The following PTK2 variants were observed in gnomAD, a reference collection of about 807,000 sequenced individuals.
The protein encoded by PTK2 is protein tyrosine kinase 2, also known as focal adhesion kinase 1.
In PTK2, 45 loss-of-function variants were observed where a neutral mutation model predicts 150.1. The ratio of observed to expected loss-of-function variants is 0.30; its 90% CI spans 0.24 to 0.38. The LOEUF is 0.38. Among genes scored for constraint, PTK2 ranks in the 10% least tolerant of loss-of-function variants. The probability of loss-of-function intolerance (pLI) is 1.00; values close to 1 mark genes in which losing one functional copy is unlikely to be tolerated. For synonymous variants in PTK2, 432 were observed against 449.2 expected (o/e 0.96, Z 0.48); for missense variants, 919 against 1,307.3 (o/e 0.70, Z 4.58).
At chr8:140,994,094 A>G (rs7813058) in intron 1 of PTK2, among the ~76,000 whole-genome samples, 63,743 of 152,082 alleles carry the variant, frequency 0.42, 15,256 homozygotes, top group Non-Finnish European at 0.55. Flanking sequence ...AAGAAAATGT[A>G]TATCAGTAAG....
intron 27 of PTK2, among the ~76,000 whole-genome samples, chr8:140,680,141 G>A (rs76283343): frequency 2.0e-5 from 3 of 152,302 alleles, no homozygotes; most frequent in Non-Finnish European, 4.4e-5. Flanking sequence ...ACCTCAGTTA[G>A]CACTAAGCAC....
At chr8:140,960,187 CTTTTTTTTTTTTTTTTTTT>C (rs371999950) in intron 1 of PTK2, among the ~76,000 whole-genome samples, 4 of 72,348 alleles carry the variant, frequency 5.5e-5, no homozygotes, top group Non-Finnish European at 9.4e-5. Context: ...CAATTTTAAA[CTTTTTTTTTTTTTTTTTTT>C]TTTTTTTTTT....
intron 27 of PTK2, among the ~76,000 whole-genome samples, chr8:140,680,918 A>G (rs543146382): frequency 9.8e-5 from 15 of 152,340 alleles, no homozygotes; most frequent in African/African-American, 3.4e-4. Flanking sequence ...AAGTCAACTC[A>G]GTAGTTTCAC....
intron 7 of PTK2, among the ~76,000 whole-genome samples, chr8:140,838,762 T>G (rs1238497133): frequency 3.3e-5 from 5 of 152,110 alleles, no homozygotes. Flanking sequence ...AGCCCAGCAC[T>G]TTGGGAGGCC....
chr8:140,738,586 G>A (rs1194631733), intron 21 of PTK2, among the ~76,000 whole-genome samples: 1 of 152,188 alleles, frequency 6.6e-6, no homozygotes, highest in Non-Finnish European at 1.5e-5. Flanking sequence ...AAGGAGGCTG[G>A]ACTCCAGAAT....
chr8:140,911,012 G>A (rs534438840), intron 2 of PTK2, among the ~76,000 whole-genome samples: 2 of 151,780 alleles, frequency 1.3e-5, no homozygotes, highest in Non-Finnish European at 2.9e-5. Flanking sequence ...CAAGTAGCTG[G>A]AACTACAAGT....
At chr8:140,949,398 G>C (rs2154609053) in intron 1 of PTK2, among the ~76,000 whole-genome samples, 1 of 152,302 alleles carries the variant, frequency 6.6e-6, no homozygotes, top group South Asian at 2.1e-4. Context: ...GGCGGGGCAG[G>C]AGCCCCACAT....
chr8:140,744,148 T>C (rs1323136775), intron 19 of PTK2, among the ~76,000 whole-genome samples: 1 of 151,880 alleles, frequency 6.6e-6, no homozygotes, highest in Non-Finnish European at 1.5e-5. Context: ...TCTAATATGA[T>C]ACTTGGCAAA....
intron 2 of PTK2, among the ~76,000 whole-genome samples, chr8:140,895,376 G>A (rs2100155749): frequency 6.6e-6 from 1 of 152,074 alleles, no homozygotes. Context: ...AAAAAAATCA[G>A]CTGGGCATGG....
chr8:140,873,423 T>C (rs897910562), intron 4 of PTK2, among the ~76,000 whole-genome samples: 1 of 152,184 alleles, frequency 6.6e-6, no homozygotes, highest in Non-Finnish European at 1.5e-5. Context: ...TATGATAACA[T>C]CTTCATGTCT....
chr8:140,759,855 A>G (rs73369986), intron 16 of PTK2, among the ~76,000 whole-genome samples: 1 of 151,978 alleles, frequency 6.6e-6, no homozygotes, highest in African/African-American at 2.4e-5. Flanking sequence ...ACCCACACAC[A>G]CACACACACA....
At chr8:140,683,215 T>G (rs988351335) in intron 27 of PTK2, among the ~76,000 whole-genome samples, 1 of 152,150 alleles carries the variant, frequency 6.6e-6, no homozygotes. Flanking sequence ...CATAGAACAT[T>G]ATGAACAACT....
At chr8:140,843,219 CA>C (rs1432536752) in intron 7 of PTK2, among the ~76,000 whole-genome samples, 1 of 152,158 alleles carries the variant, frequency 6.6e-6, no homozygotes, top group African/African-American at 2.4e-5. Flanking sequence ...TTCTTCTCTC[CA>C]AACATACCAT....
Position 140,789,454 on chromosome 8 carries a change from T to G in PTK2, c.1177+20A>C. 6.2e-7 allele frequency: 1 copy of G among 1,611,458 alleles called. No homozygotes were observed. Among genetic ancestry groups the G allele is most frequent in the Non-Finnish European group, 8.5e-7 (1 of 1,178,994 alleles). ...CCCCATGAGAGTGCTTTTCGAGGTC[T>G]GCTACCTAGAGCCCCTTACCTGACA... is the stretch of plus-strand genomic sequence containing the variant. On this transcript the variant is annotated intron_variant, in intron 14 of 31. Coordinates refer to ENST00000522684, the Ensembl canonical transcript of PTK2.
At chr8:140,701,105 AAAGAT>A (rs2100030156) in intron 25 of PTK2, 83 bp from the exon 29 acceptor site, 1 of 1,421,106 alleles carries the variant, frequency 7.0e-7, no homozygotes, top group African/African-American at 1.4e-5. Context: ...TCTTTCAAGA[AAAGAT>A]AAGCAAAACA....
chr8:140,845,537 G>A (rs777080591), intron 7 of PTK2, among the ~76,000 whole-genome samples: 4 of 152,274 alleles, frequency 2.6e-5, no homozygotes, highest in Non-Finnish European at 4.4e-5. Context: ...CACACATCAA[G>A]TACCATTCTC....
chr8:140,712,545 T>G (rs1044364881), intron 23 of PTK2, among the ~76,000 whole-genome samples: 1 of 152,114 alleles, frequency 6.6e-6, no homozygotes, highest in Non-Finnish European at 1.5e-5. Flanking sequence ...TTAAAATCCA[T>G]AGAATTAAGG....
chr8:140,886,096 T>G (rs891648243), intron 3 of PTK2, among the ~76,000 whole-genome samples: 3 of 152,160 alleles, frequency 2.0e-5, no homozygotes, highest in Admixed American at 6.6e-5. Flanking sequence ...TCTGGATATA[T>G]TTTTGAAGAT....
intron 7 of PTK2, among the ~76,000 whole-genome samples, chr8:140,845,706 T>G (rs1303124361): frequency 1.3e-5 from 2 of 152,190 alleles, no homozygotes; most frequent in Non-Finnish European, 2.9e-5. Flanking sequence ...AAGGACTCAG[T>G]GTTCAGTTAT....
Sources: allele counts gnomAD v4.1 joint callset (sites outside exome capture counted in the v4.1 genomes callset), GRCh38; gene constraint gnomAD v4.1.1; transcripts MANE v1.5; gene names NCBI Gene and HGNC (gene_info 2026-07-23, HGNC 2026-07-21).